TMEM131: variants seen among roughly 807,000 people sequenced by gnomAD.
The protein encoded by TMEM131 is 2610524E03Rik.
In TMEM131, 66 loss-of-function variants were observed where a neutral mutation model predicts 211.6. That is an observed-to-expected ratio of 0.31 (90% CI 0.26 to 0.38). TMEM131 has a LOEUF of 0.38. Among genes scored for constraint, TMEM131 ranks in the 10% least tolerant of loss-of-function variants. TMEM131 has a pLI of 1.00. For missense variants in TMEM131, 2,036 were observed against 2,299.3 expected (o/e 0.89, Z 2.34); for synonymous variants, 844 against 841.3 (o/e 1.00, Z -0.06).
intron 1 of TMEM131, among the ~76,000 whole-genome samples, chr2:97,983,523 T>C (rs1466477255): frequency 6.6e-6 from 1 of 152,160 alleles, no homozygotes; most frequent in Admixed American, 6.5e-5. Flanking sequence ...AAAAAGGAGA[T>C]GGAGGCTGCA....
chr2:97,797,691 C>T (rs1292034679), intron 25 of TMEM131, among the ~76,000 whole-genome samples, 175 bp from the exon 26 acceptor site: 2 of 152,218 alleles, frequency 1.3e-5, no homozygotes, highest in African/African-American at 2.4e-5. Context: ...GAGTAACCAA[C>T]GATGAGATTC....
At position 97,995,743 on chromosome 2, in the gene TMEM131, C is replaced by G. The variant is rs969856423; in HGVS notation, c.-81G>C. The G allele has an allele frequency of 7.5e-6, 8 of 1,070,072 alleles. No homozygotes were observed. The highest frequency in any genetic ancestry group is 9.2e-6 in the Non-Finnish European group (8 of 865,940). The allele number at this position is 1,070,072 out of a possible 1,614,324, so 66.3% of individuals were successfully genotyped here. Reference sequence around the variant, plus strand: ...GCGGCGGCGGCGCGGAAGCCGTGGTCCGGGCTCTGGCCGCGGCGCCGGGAG... The same window carrying G: ...GCGGCGGCGGCGCGGAAGCCGTGGTGCGGGCTCTGGCCGCGGCGCCGGGAG... On this transcript the variant is annotated 5_prime_UTR_variant, in exon 1 of 41. Transcript: ENST00000186436.
intron 7 of TMEM131, among the ~76,000 whole-genome samples, chr2:97,839,303 G>A (rs1369277373): frequency 6.7e-6 from 1 of 150,166 alleles, no homozygotes; most frequent in East Asian, 1.9e-4. Context: ...CTCCAGCCTG[G>A]TGTCTGGAAA....
At chr2:97,786,938 A>C (rs1385127888) in intron 31 of TMEM131, among the ~76,000 whole-genome samples, 2 of 152,234 alleles carry the variant, frequency 1.3e-5, no homozygotes, top group Admixed American at 1.3e-4. Context: ...CTTTTCCTTC[A>C]GAACTATATG....
chr2:97,995,624 G>A lies in TMEM131; in HGVS notation c.39C>T (p.Thr13=). The change falls in exon 1 of 41, where the codon ACC becomes ACT. Residue 13 remains threonine, a synonymous_variant. Coordinates refer to ENST00000186436, the MANE Select transcript of TMEM131 (RefSeq NM_015348.2). The part of the protein sequence containing the change: ...KRAGGGATGA[T]TAAVSTSAGA... ...CGGCGGACGTGGAGACGGCGGCGGT[G>A]GTGGCTCCGGTTGCTCCTCCTCCCG... 8.1e-7 allele frequency: 1 copy of A among 1,231,430 alleles called. No homozygotes were observed. Among genetic ancestry groups the A allele is most frequent in the Non-Finnish European group, 1.0e-6 (1 of 986,830 alleles). The allele number at this position is 1,231,430 out of a possible 1,614,324, so 76.3% of individuals were successfully genotyped here. A position where few individuals can be genotyped will look rare whatever the true frequency, so the allele number is the denominator to read the frequency against.
At chr2:97,962,185 T>G (rs1444705780) in intron 1 of TMEM131, among the ~76,000 whole-genome samples, 1 of 152,034 alleles carries the variant, frequency 6.6e-6, no homozygotes, top group Non-Finnish European at 1.5e-5. Flanking sequence ...TTTAAAATAT[T>G]TACTCTCAAA....
chr2:97,911,398 A>G (rs1676286675), intron 2 of TMEM131, among the ~76,000 whole-genome samples: 1 of 152,202 alleles, frequency 6.6e-6, no homozygotes, highest in Admixed American at 6.5e-5. Flanking sequence ...AATTATGCCA[A>G]CTTTTTAAAT....
chr2:97,812,545 T>C lies in TMEM131; in HGVS notation c.1739A>G (p.Lys580Arg). 1.2e-6 allele frequency: 2 copies of C among 1,602,130 alleles called. No homozygotes were observed. The highest frequency in any genetic ancestry group is 1.1e-5 in the South Asian group (1 of 88,074). Residue 580 changes from lysine to arginine, a missense_variant, in exon 17 of 41, where the codon AAA becomes AGA. Coordinates refer to ENST00000186436, the MANE Select transcript of TMEM131 (RefSeq NM_015348.2). Reference sequence around the variant, plus strand: ...ACCGTCTCCTATGATATGCCAACTTTTTATAGCCAACTTTAAAAAAAGATA... The same window carrying C: ...ACCGTCTCCTATGATATGCCAACTTCTTATAGCCAACTTTAAAAAAAGATA... ...INSNPIELAI[K>R]SWHIIGDGLS...
intron 19 of TMEM131, 131 bp downstream of exon 19, chr2:97,809,557 C>G (rs994025769): frequency 1.5e-6 from 1 of 655,038 alleles, no homozygotes; most frequent in Non-Finnish European, 2.7e-6. Context: ...TTCTAAAGAA[C>G]CTGGTATAAT....
At chr2:97,847,685 T>C (rs950685803) in intron 5 of TMEM131, among the ~76,000 whole-genome samples, 1 of 152,190 alleles carries the variant, frequency 6.6e-6, no homozygotes, top group African/African-American at 2.4e-5. Flanking sequence ...AATAGGATCC[T>C]AAAACAGAAA....
chr2:97,931,010 A>G (rs368879699), intron 1 of TMEM131, among the ~76,000 whole-genome samples: 7 of 152,058 alleles, frequency 4.6e-5, no homozygotes, highest in African/African-American at 1.7e-4. Context: ...GTGGCTAGAG[A>G]AAAGTATGAA....
chr2:97,899,930 A>G lies in TMEM131; in HGVS notation c.290+8728T>C, dbSNP rs576072729. The stretch of plus-strand genomic sequence containing the variant: ...TCTCTCAGCAATTTTCAAGTACACA[A>G]TACGGATGCTTCTTGACTTATGATG... On this transcript the variant is annotated intron_variant, in intron 3 of 40. Transcript: ENST00000186436. 5.3e-5 allele frequency among the ~76,000 whole-genome samples: 8 copies of G among 152,282 alleles called. No individual in the cohort carries two copies. The South Asian group carries it at 1.4e-3, about 28-fold the overall frequency.
rs765631945 is a variant in TMEM131 at position 97,814,401 on chromosome 2, A to G, written c.1293-13T>C. 6.4e-7 allele frequency: 1 copy of G among 1,569,612 alleles called. No homozygotes were observed. Among genetic ancestry groups the G allele is most frequent in the Non-Finnish European group, 8.6e-7 (1 of 1,158,424 alleles). On this transcript the variant is annotated splice_polypyrimidine_tract_variant and intron_variant, in intron 13 of 40. Transcript: ENST00000186436. ...AAATCCCAAATAACTATTAAAAAAAACAACAAGAACAAAATAAATCATTTT... is the reference window on the plus strand; with the variant it reads ...AAATCCCAAATAACTATTAAAAAAAGCAACAAGAACAAAATAAATCATTTT...
rs1680475028 is a variant in TMEM131, at chr2:97,995,633, G to C, written c.30C>G (p.Thr10=). Residue 10 remains threonine (T), a synonymous_variant, in exon 1 of 41, where the codon ACC becomes ACG. Coordinates refer to ENST00000186436, the MANE Select transcript of TMEM131 (RefSeq NM_015348.2). Reference sequence around the variant, plus strand: ...TGGAGACGGCGGCGGTGGTGGCTCCGGTTGCTCCTCCTCCCGCCCGCTTCC... The same window carrying C: ...TGGAGACGGCGGCGGTGGTGGCTCCCGTTGCTCCTCCTCCCGCCCGCTTCC... The part of the protein sequence containing the change: MGKRAGGGA[T]GATTAAVSTS... 1 of 1,227,058 alleles carries C rather than the reference G, an allele frequency of 8.1e-7. No homozygotes were observed. Among genetic ancestry groups the C allele is most frequent in the Non-Finnish European group, 1.0e-6 (1 of 984,196 alleles). The allele number at this position is 1,227,058 out of a possible 1,614,324, so 76.0% of individuals were successfully genotyped here.
intron 11 of TMEM131, among the ~76,000 whole-genome samples, chr2:97,832,561 G>A (rs17490429): frequency 0.31 from 46,913 of 152,014 alleles, 8,562 homozygotes; most frequent in Non-Finnish European, 0.39. Flanking sequence ...TAAAATCTGG[G>A]TATGGCCATC....
chr2:97,983,777 C>T lies in TMEM131; in HGVS notation c.187+11699G>A, dbSNP rs567448700. Among the ~76,000 whole-genome samples the T allele has an allele frequency of 2.6e-5, 4 of 152,274 alleles. No homozygotes were observed. In the South Asian group the frequency reaches 8.3e-4, roughly 32 times the overall value. On this transcript the variant is annotated intron_variant, in intron 1 of 40. Coordinates refer to ENST00000186436, the MANE Select transcript of TMEM131 (RefSeq NM_015348.2). ...TCTTTTTTCATTTCTATGTTCGTCC[C>T]TTCGTTCAGTCTTGTAATGATGGTC...
At chr2:97,795,347 T>TTC (rs1475159299) in intron 28 of TMEM131, among the ~76,000 whole-genome samples, 2 of 152,208 alleles carry the variant, frequency 1.3e-5, no homozygotes, top group East Asian at 3.9e-4. Flanking sequence ...AATAATCAAA[T>TTC]TCTCATAATT....
intron 3 of TMEM131, among the ~76,000 whole-genome samples, chr2:97,889,272 A>T (rs1273964625): frequency 6.6e-6 from 1 of 152,220 alleles, no homozygotes; most frequent in Admixed American, 6.5e-5. Context: ...AGCAAGCACC[A>T]AAAGTAAGAT....
At position 97,857,168 on chromosome 2, in the gene TMEM131, A is replaced by G. The variant is rs138313804; in HGVS notation, c.483+2136T>C. Reference sequence around the variant, plus strand: ...CTTTCTAAAATTGAACTGATTTTCAATGTGTAAAGACTGGCAGATACATGA... The same window carrying G: ...CTTTCTAAAATTGAACTGATTTTCAGTGTGTAAAGACTGGCAGATACATGA... On this transcript the variant is annotated intron_variant, in intron 5 of 40. Transcript: ENST00000186436. Among the ~76,000 whole-genome samples the G allele has an allele frequency of 3.9e-3, 596 of 152,304 alleles. 5 individuals carry two copies. Among genetic ancestry groups the G allele is most frequent in the African/African-American group, 0.014 (569 of 41,566 alleles).
Sources: allele counts gnomAD v4.1 joint callset (sites outside exome capture counted in the v4.1 genomes callset), GRCh38; gene constraint gnomAD v4.1.1; transcripts MANE v1.5; gene names NCBI Gene and HGNC (gene_info 2026-07-23, HGNC 2026-07-21).